Variants in EBAG9 observed in about 807,000 individuals in gnomAD.
EBAG9 encodes the protein estrogen receptor binding site associated antigen 9.
EBAG9 carries 16 observed loss-of-function variants against 30.9 expected under a neutral mutation model. The ratio of observed to expected loss-of-function variants is 0.52; its 90% confidence interval spans 0.35 to 0.79. EBAG9 has a LOEUF of 0.79. EBAG9 is among the 30% of genes least tolerant of loss of function. EBAG9 has a pLI of 0.01. For synonymous variants in EBAG9, 93 were observed against 82.8 expected (o/e 1.12, Z -0.67); for missense variants, 197 against 242.1 (o/e 0.81, Z 1.24).
chr8:109,559,649 A>C (rs948201627), intron 5 of EBAG9, among the ~76,000 whole-genome samples: 2 of 151,958 alleles, frequency 1.3e-5, no homozygotes, highest in African/African-American at 4.8e-5. Context: ...TCATCTCTAA[A>C]AAAATGTAAA....
intron 1 of EBAG9, chr8:109,550,130 CTCTTT>C (rs779115900): frequency 1.3e-5 from 2 of 152,042 alleles, no homozygotes; most frequent in Non-Finnish European, 2.9e-5. Flanking sequence ...GTTATTTGTT[CTCTTT>C]TCTTTGTTTC....
intron 5 of EBAG9, among the ~76,000 whole-genome samples, chr8:109,559,478 A>G (rs1821669252): frequency 6.6e-6 from 1 of 152,094 alleles, no homozygotes. Flanking sequence ...AAGTAAAATA[A>G]CAAGATACAA....
At chr8:109,548,757 G>A (rs1821433867) in intron 1 of EBAG9, among the ~76,000 whole-genome samples, 1 of 151,558 alleles carries the variant, frequency 6.6e-6, no homozygotes, top group Non-Finnish European at 1.5e-5. Context: ...ATTTCTTATT[G>A]ATTGTTGTTA....
At chr8:109,555,812 C>T (rs1821586855) in intron 4 of EBAG9, among the ~76,000 whole-genome samples, 1 of 152,084 alleles carries the variant, frequency 6.6e-6, no homozygotes, top group Non-Finnish European at 1.5e-5. Context: ...TTTTATTTAT[C>T]AAAATAGTAC....
At chr8:109,542,437 T>A (rs1308568463) in intron 1 of EBAG9, among the ~76,000 whole-genome samples, 1 of 152,220 alleles carries the variant, frequency 6.6e-6, no homozygotes, top group Non-Finnish European at 1.5e-5. Flanking sequence ...TATTCTCAAC[T>A]TTTATTCATG....
At chr8:109,561,057 G>T (rs1821701181) in intron 6 of EBAG9, 128 bp downstream of exon 6, 6 of 723,856 alleles carry the variant, frequency 8.3e-6, no homozygotes, top group South Asian at 2.2e-5. Flanking sequence ...TAGATAATAA[G>T]GACTTTTTTT....
At chr8:109,557,209 T>C (rs1324963822) in intron 5 of EBAG9, among the ~76,000 whole-genome samples, 167 bp downstream of exon 5, 1 of 152,182 alleles carries the variant, frequency 6.6e-6, no homozygotes, top group Non-Finnish European at 1.5e-5. Context: ...AATCCTAACC[T>C]TTTATGAGAT....
At position 109,550,799 on chromosome 8, in the gene EBAG9, C is replaced by T. The variant is rs1294282951; in HGVS notation, c.-15-11C>T. On this transcript the variant is annotated splice_polypyrimidine_tract_variant and intron_variant, in intron 1 of 6. Transcript: ENST00000337573. ...ATTTAATGCATTTTTTGTTTTGTGC[C>T]TCTTCCACAGGTTTTGATTCCCACC... 2 of 1,539,842 alleles carry T rather than the reference C, an allele frequency of 1.3e-6. No individual in the cohort carries two copies. The highest frequency in any genetic ancestry group is 1.4e-5 in the African/African-American group (1 of 73,116).
chr8:109,553,800 T>C, intron 2 of EBAG9, 65 bp from the exon 3 acceptor site: 1 of 1,297,698 alleles, frequency 7.7e-7, no homozygotes, highest in South Asian at 1.3e-5. Context: ...TTACCATACA[T>C]AATAGTGCTT....
At chr8:109,560,634 T>C (rs1466478520) in intron 5 of EBAG9, among the ~76,000 whole-genome samples, 1 of 152,180 alleles carries the variant, frequency 6.6e-6, no homozygotes, top group East Asian at 1.9e-4. Flanking sequence ...TGCCTAGGAC[T>C]GTTGAACACT....
At position 109,564,668 on chromosome 8, in the gene EBAG9, A is replaced by G. The variant is rs1821782869; in HGVS notation, c.*109A>G. On this transcript the variant is annotated 3_prime_UTR_variant, in exon 7 of 7. Coordinates refer to ENST00000337573, the MANE Select transcript of EBAG9 (RefSeq NM_004215.5). The stretch of plus-strand genomic sequence containing the variant: ...TAAGAAGACATACTGCTTGATTTTA[A>G]TACATTGATCAGGCCATCCAGGACA... 1 of 1,477,102 alleles carries G rather than the reference A, an allele frequency of 6.8e-7. No individual in the cohort carries two copies. Among genetic ancestry groups the G allele is most frequent in the Non-Finnish European group, 9.2e-7 (1 of 1,090,454 alleles). The allele number at this position is 1,477,102 out of a possible 1,614,324, so 91.5% of individuals were successfully genotyped here.
At chr8:109,542,951 GGAAATA>G (rs1821306426) in intron 1 of EBAG9, among the ~76,000 whole-genome samples, 1 of 151,974 alleles carries the variant, frequency 6.6e-6, no homozygotes, top group South Asian at 2.1e-4. Context: ...AGATTACAGT[GGAAATA>G]GGAAAGAATA....
intron 5 of EBAG9, among the ~76,000 whole-genome samples, chr8:109,558,881 T>C (rs1821657041): frequency 6.6e-6 from 1 of 152,212 alleles, no homozygotes; most frequent in African/African-American, 2.4e-5. Context: ...TTTTAGTTTG[T>C]TAATTGGTTT....
At chr8:109,547,171 T>C (rs1318889306) in intron 1 of EBAG9, among the ~76,000 whole-genome samples, 1 of 152,132 alleles carries the variant, frequency 6.6e-6, no homozygotes, top group East Asian at 1.9e-4. Flanking sequence ...TTTATATGGC[T>C]ATATACTTTT....
intron 6 of EBAG9, among the ~76,000 whole-genome samples, chr8:109,563,058 T>C (rs1821741773): frequency 6.6e-6 from 1 of 152,152 alleles, no homozygotes; most frequent in African/African-American, 2.4e-5. Context: ...TAGTTCAGAT[T>C]ATTAGTTTTT....
chr8:109,544,226 T>A (rs1298624549), intron 1 of EBAG9, among the ~76,000 whole-genome samples: 1 of 152,208 alleles, frequency 6.6e-6, no homozygotes, highest in East Asian at 1.9e-4. Context: ...TAATTATTAC[T>A]TAAGTTAGGT....
chr8:109,550,975 C>T (rs1048436750), intron 2 of EBAG9, 68 bp downstream of exon 2: 2 of 1,050,384 alleles, frequency 1.9e-6, no homozygotes, highest in Non-Finnish European at 2.9e-6. Context: ...TTCAAAACTT[C>T]AAATTTCGTG....
chr8:109,558,202 A>G (rs982637432), intron 5 of EBAG9, among the ~76,000 whole-genome samples: 1 of 152,118 alleles, frequency 6.6e-6, no homozygotes, highest in African/African-American at 2.4e-5. Context: ...GGACCCATGT[A>G]TATGTATGTT....
At chr8:109,540,903 T>C (rs1414234289) in intron 1 of EBAG9, among the ~76,000 whole-genome samples, 2 of 152,236 alleles carry the variant, frequency 1.3e-5, no homozygotes, top group African/African-American at 4.8e-5. Context: ...GTACCGAACA[T>C]AGATTTTGGC....
Sources: gnomAD v4.1 joint callset for allele counts (sites outside exome capture counted in the v4.1 genomes callset) on GRCh38, gnomAD v4.1.1 for gene constraint, MANE v1.5 for transcripts, NCBI Gene and HGNC (gene_info 2026-07-23, HGNC 2026-07-21) for gene names.